Variants in INTS1 observed in about 807,000 individuals in gnomAD.
The protein encoded by INTS1 is integrator complex subunit 1.
In INTS1, 137 loss-of-function variants were observed where a neutral mutation model predicts 241.6. That is an observed-to-expected ratio of 0.57 (90% confidence interval 0.49 to 0.65). The LOEUF (loss-of-function observed/expected upper bound fraction) is 0.65. INTS1 is among the 30% of genes least tolerant of loss of function. The pLI, the probability that INTS1 is intolerant of heterozygous loss-of-function variation, is 0.00. For synonymous variants in INTS1, 1,692 were observed against 1,337.8 expected (o/e 1.26, Z -5.78); for missense variants, 3,073 against 3,032.2 (o/e 1.01, Z -0.32).
rs73275956 is a variant in INTS1, at chr7:1,484,093, C to A, written c.3339G>T (p.Ser1113=). 2.0e-3 allele frequency: 3,252 copies of A among 1,612,472 alleles called. 28 individuals are homozygous for A. The African/African-American group carries it at 0.022, about 11-fold the overall frequency. ...LFSKLSPSAA[S]DAVLSALLSI... ...ACAACAGAGCGCTCAGCACGGCGTC[C>A]GACGCGGCACTCGGGGAGAGCTTCG... is the stretch of plus-strand genomic sequence containing the variant. Residue 1113 remains serine (S), a synonymous_variant, in exon 25 of 48, where the codon TCG becomes TCT. Coordinates refer to ENST00000404767, the MANE Select transcript of INTS1 (RefSeq NM_001080453.3).
intron 33 of INTS1, 63 bp downstream of exon 33, chr7:1,478,303 G>C: frequency 6.4e-7 from 1 of 1,572,500 alleles, no homozygotes; most frequent in Non-Finnish European, 8.7e-7. Context: ...CAGCTAGAAG[G>C]AGCCTCAGGT....
chr7:1,496,541 C>A (rs774711193), intron 11 of INTS1, among the ~76,000 whole-genome samples: 2 of 152,236 alleles, frequency 1.3e-5, no homozygotes, highest in South Asian at 4.1e-4. Context: ...CTTGCACATG[C>A]GCACACATAC....
At position 1,474,746 on chromosome 7, in the gene INTS1, G is replaced by T; in HGVS notation, c.5595C>A (p.Ala1865=). The T allele has an allele frequency of 6.4e-7, 1 of 1,565,268 alleles. No homozygotes were observed. The highest frequency in any genetic ancestry group is 8.6e-7 in the Non-Finnish European group (1 of 1,157,070). Residue 1865 remains alanine, a synonymous_variant, in exon 40 of 48, where the codon GCC becomes GCA. Coordinates refer to ENST00000404767, the MANE Select transcript of INTS1 (RefSeq NM_001080453.3). ...LENRGADASM[A]CRKLAVAHPL... is the part of the protein sequence containing the mutation. The stretch of plus-strand genomic sequence containing the variant: ...GGTGCGCCACCGCCAGCTTCCGGCA[G>T]GCCATGCTGGCATCCGCCCCTCGGT...
intron 22 of INTS1, among the ~76,000 whole-genome samples, 176 bp downstream of exon 22, chr7:1,486,449 G>A (rs1348756157): frequency 6.6e-6 from 1 of 151,606 alleles, no homozygotes; most frequent in Non-Finnish European, 1.5e-5. Context: ...ATTTTTAATA[G>A]AGACGGGATT....
At chr7:1,492,873 C>T (rs936087271) in intron 16 of INTS1, 137 bp downstream of exon 16, 4 of 510,628 alleles carry the variant, frequency 7.8e-6, no homozygotes, top group African/African-American at 7.1e-5. Context: ...CGCGGGCTTA[C>T]CCGGGCGGGA....
At chr7:1,483,341 C>A in intron 26 of INTS1, 1 of 340,244 alleles carries the variant, frequency 2.9e-6, no homozygotes, top group Non-Finnish European at 5.7e-6. Context: ...CAGGGTCACT[C>A]GCCTGGGCCC....
intron 22 of INTS1, among the ~76,000 whole-genome samples, chr7:1,486,273 T>A (rs57218355): frequency 0.077 from 11,345 of 147,048 alleles, 959 homozygotes; most frequent in African/African-American, 0.23. Context: ...TTATTTATTT[T>A]TTTTTTTTTG....
chr7:1,487,416 C>T lies in INTS1; in HGVS notation c.2550G>A (p.Leu850=), dbSNP rs770958454. The T allele has an allele frequency of 5.6e-6, 9 of 1,612,028 alleles. No individual in the cohort carries two copies. The highest frequency in any genetic ancestry group is 7.6e-6 in the Non-Finnish European group (9 of 1,179,538). The part of the protein sequence containing the change: ...GPPRRPPPHI[L]DQVKSLNQSL... ...ACTGGTTGAGGCTTTTCACTTGATCCAGGATGTGAGGGGGAGGCCTCCGGG... is the reference window on the plus strand; with the variant it reads ...ACTGGTTGAGGCTTTTCACTTGATCTAGGATGTGAGGGGGAGGCCTCCGGG... The change falls in exon 20 of 48, where the codon CTG becomes CTA. Residue 850 remains leucine, a synonymous_variant. Coordinates refer to ENST00000404767, the MANE Select transcript of INTS1 (RefSeq NM_001080453.3).
At chr7:1,491,768 C>T (rs890220781) in intron 16 of INTS1, among the ~76,000 whole-genome samples, 2 of 152,148 alleles carry the variant, frequency 1.3e-5, no homozygotes, top group Non-Finnish European at 2.9e-5. Context: ...CATGGTGGCA[C>T]GTGCCTATAG....
At position 1,494,556 on chromosome 7, in the gene INTS1, C is replaced by T. The variant is rs1010080423; in HGVS notation, c.1910+260G>A. 5.4e-5 allele frequency: 30 copies of T among 556,884 alleles called. No individual in the cohort carries two copies. The Admixed American group carries it at 6.5e-4, about 12-fold the overall frequency. 34.5% of individuals were successfully genotyped at this position (556,884 alleles called of 1,614,324 possible). On this transcript the variant is annotated intron_variant, in intron 14 of 47. Coordinates refer to ENST00000404767, the MANE Select transcript of INTS1 (RefSeq NM_001080453.3). ...GGACGCCCTGGAAGCAACTGGAAGG[C>T]GGGGGTCCGGGGGAGGCTGCGGCTG...
chr7:1,496,216 G>C lies in INTS1; in HGVS notation c.1651C>G (p.Leu551Val), dbSNP rs1280662015. Residue 551 changes from leucine (L) to valine (V), a missense_variant, in exon 12 of 48, where the codon CTG becomes GTG. Transcript: ENST00000404767. The stretch of plus-strand genomic sequence containing the variant: ...TCCTTCACCTGCGCTGTGATGCCCA[G>C]CATCATGGACACGGCCAGGACGTCG... ...ITDVLAVSMM[L>V]GITAQVKEAG... 6.2e-7 allele frequency: 1 copy of C among 1,613,744 alleles called. No individual in the cohort carries two copies. The highest frequency in any genetic ancestry group is 1.7e-5 in the Admixed American group (1 of 60,006).
rs200341802 is a variant in INTS1 at position 1,484,192 on chromosome 7, G to A, written c.3262-22C>T. Reference sequence around the variant, plus strand: ...CGTCCTGGTGTGTGGACAGGGGGGCGTCAGAGGCTCCGAGACAGCTCTGCT... The same window carrying A: ...CGTCCTGGTGTGTGGACAGGGGGGCATCAGAGGCTCCGAGACAGCTCTGCT... On this transcript the variant is annotated intron_variant, in intron 24 of 47. Transcript: ENST00000404767. 830 of 1,594,492 alleles carry A rather than the reference G, an allele frequency of 5.2e-4. 5 individuals are homozygous for A. The African/African-American group carries it at 9.0e-3, about 17-fold the overall frequency.
intron 32 of INTS1, 98 bp from the exon 33 acceptor site, chr7:1,478,604 C>A: frequency 6.6e-7 from 1 of 1,505,102 alleles, no homozygotes; most frequent in Non-Finnish European, 8.9e-7. Flanking sequence ...TCCCCTGGGC[C>A]CACGCGGGTA....
At chr7:1,479,368 G>A (rs975159433) in intron 31 of INTS1, 62 bp downstream of exon 31, 61 of 1,517,258 alleles carry the variant, frequency 4.0e-5, no homozygotes, top group Middle Eastern at 2.0e-4. Flanking sequence ...CACCCGGGCC[G>A]TCCTGCGGGA....
rs372164975 is a variant in INTS1 at position 1,477,352 on chromosome 7, G to A, written c.4938+198C>T. On this transcript the variant is annotated intron_variant, in intron 35 of 47. Coordinates refer to ENST00000404767, the MANE Select transcript of INTS1 (RefSeq NM_001080453.3). The stretch of plus-strand genomic sequence containing the variant: ...TCACAGTGCTGGTCCACAGGTGACT[G>A]TGACCCTGGCCTGGGTTCTGCTAGG... Among the ~76,000 whole-genome samples the A allele has an allele frequency of 3.7e-3, 557 of 152,224 alleles. 4 individuals are homozygous for A. Among genetic ancestry groups the A allele is most frequent in the African/African-American group, 0.011 (475 of 41,532 alleles).
intron 33 of INTS1, among the ~76,000 whole-genome samples, chr7:1,478,151 G>C (rs1344260290): frequency 6.6e-6 from 1 of 151,840 alleles, no homozygotes; most frequent in Non-Finnish European, 1.5e-5. Context: ...CACTTTGCTG[G>C]GTGCAGCAGT....
Position 1,470,653 on chromosome 7 carries a change from C to T in INTS1, c.6497G>A (p.Gly2166Asp), listed in dbSNP as rs745465446. The change falls in exon 48 of 48, where the codon GGC becomes GAC. Residue 2166 changes from glycine to aspartate, a missense_variant. Physicochemically the swap from Gly to Asp is moderately conservative, Grantham distance 94. Transcript: ENST00000404767. ...GCTGGGGTCCATCTGGCCGTACATG[C>T]CCACCAGGAAGGCCCGGTGGAGCAG... ...AVLLHRAFLV[G>D]MYGQMDPSAQ... 1 of 1,585,018 alleles carries T rather than the reference C, an allele frequency of 6.3e-7. No homozygotes were observed. Among genetic ancestry groups the T allele is most frequent in the Non-Finnish European group, 8.6e-7 (1 of 1,166,486 alleles).
chr7:1,481,165 C>T lies in INTS1; in HGVS notation c.3850+177G>A. The stretch of plus-strand genomic sequence containing the variant: ...GGGTTGGGGCAGGCCCAGGCCTCGG[C>T]TCCCTCCTGACTGTGCCAGCCTCAC... On this transcript the variant is annotated intron_variant, in intron 28 of 47. Transcript: ENST00000404767. This position sits in a 1 kb window ranked among gnomAD's most constrained non-coding sequence, Gnocchi z 6.8. 1.2e-6 allele frequency: 1 copy of T among 810,164 alleles called. No individual in the cohort carries two copies. The highest frequency in any genetic ancestry group is 2.0e-6 in the Non-Finnish European group (1 of 490,886). 50.2% of individuals were successfully genotyped at this position (810,164 alleles called of 1,614,324 possible).
rs775050106 is a variant in INTS1 at position 1,478,754 on chromosome 7, C to CT, written c.4460dup (p.Ala1488GlyfsTer9). The CT allele has an allele frequency of 1.9e-6, 3 of 1,593,664 alleles. No homozygotes were observed. Among genetic ancestry groups the CT allele is most frequent in the Non-Finnish European group, 2.6e-6 (3 of 1,170,620 alleles). On this transcript the variant is annotated frameshift_variant, in exon 32 of 48. Coordinates refer to ENST00000404767, the MANE Select transcript of INTS1 (RefSeq NM_001080453.3). LOFTEE classifies it high-confidence loss of function. Reference sequence around the variant, plus strand: ...CACTGAGCCTGCGCCCGGCTGAGGCCTGGCTGGCAAGCATCCTGAGCTGTG... The same window carrying CT: ...CACTGAGCCTGCGCCCGGCTGAGGCCTTGGCTGGCAAGCATCCTGAGCTGTG...
Sources: allele counts gnomAD v4.1 joint callset (sites outside exome capture counted in the v4.1 genomes callset), GRCh38; gene constraint gnomAD v4.1.1; non-coding constraint Gnocchi (gnomAD v3.1); transcripts MANE v1.5; gene names NCBI Gene and HGNC (gene_info 2026-07-23, HGNC 2026-07-21).